Variants in ITGBL1 observed in about 807,000 individuals in gnomAD.
ITGBL1 encodes the protein integrin subunit beta like 1, also known as integrin beta-like protein 1.
Under a neutral mutation model 68.5 loss-of-function variants are expected in ITGBL1, and 51 were observed. That is an observed-to-expected ratio of 0.74 (90% CI 0.59 to 0.94). ITGBL1 has a LOEUF of 0.94. ITGBL1 is among the 40% of genes least tolerant of loss of function. ITGBL1 has a pLI of 0.00. For missense variants in ITGBL1, 649 were observed against 647.4 expected (o/e 1.00, Z -0.03); for synonymous variants, 209 against 227.3 (o/e 0.92, Z 0.72).
chr13:101,638,606 CAA>C (rs879891633), intron 7 of ITGBL1, among the ~76,000 whole-genome samples: 40 of 152,126 alleles, frequency 2.6e-4, no homozygotes, highest in Non-Finnish European at 5.0e-4. Context: ...TGGCGGGAGA[CAA>C]GAGAGAATGA....
At chr13:101,660,698 C>T (rs2033060552) in intron 7 of ITGBL1, among the ~76,000 whole-genome samples, 2 of 152,266 alleles carry the variant, frequency 1.3e-5, no homozygotes, top group Non-Finnish European at 2.9e-5. Flanking sequence ...CTTGCCCATG[C>T]CCAAAAATGT....
chr13:101,532,272 G>A (rs971746101), intron 2 of ITGBL1, among the ~76,000 whole-genome samples: 2 of 152,164 alleles, frequency 1.3e-5, no homozygotes, highest in Non-Finnish European at 2.9e-5. Context: ...AAGAAGGCAA[G>A]TTCTATCTTA....
At chr13:101,576,972 A>C (rs757168544) in intron 4 of ITGBL1, among the ~76,000 whole-genome samples, 2 of 151,806 alleles carry the variant, frequency 1.3e-5, no homozygotes, top group Admixed American at 6.6e-5. Flanking sequence ...AAAAAGAAGA[A>C]GACGGGAACA....
At position 101,521,967 on chromosome 13, in the gene ITGBL1, C is replaced by T. The variant is rs148456720; in HGVS notation, c.317-45732C>T. Among the ~76,000 whole-genome samples the T allele has an allele frequency of 4.0e-3, 603 of 151,618 alleles. 1 individual carries two copies. Among genetic ancestry groups the T allele is most frequent in the Non-Finnish European group, 7.3e-3 (496 of 67,936 alleles). ...ATCTCTCCTTGGCTAACAGACACCA[C>T]CTTCTGCTGTGACGGCAACATGGTC... On this transcript the variant is annotated intron_variant, in intron 2 of 10. Transcript: ENST00000376180.
chr13:101,673,178 T>C (rs2033418594), intron 7 of ITGBL1, among the ~76,000 whole-genome samples: 1 of 152,160 alleles, frequency 6.6e-6, no homozygotes, highest in Non-Finnish European at 1.5e-5. Flanking sequence ...CCCTCTTAAT[T>C]TTTCCTTGCT....
chr13:101,637,604 A>G (rs2032219235), intron 7 of ITGBL1, among the ~76,000 whole-genome samples: 1 of 152,126 alleles, frequency 6.6e-6, no homozygotes, highest in African/African-American at 2.4e-5. Flanking sequence ...TGGCCTCCCA[A>G]AGTGCTGGGA....
At chr13:101,607,561 C>A (rs1225768253) in intron 7 of ITGBL1, among the ~76,000 whole-genome samples, 2 of 151,778 alleles carry the variant, frequency 1.3e-5, no homozygotes, top group Admixed American at 1.3e-4. Context: ...CAGCAGGATT[C>A]ATGTACAAAT....
intron 2 of ITGBL1, among the ~76,000 whole-genome samples, chr13:101,506,730 T>C (rs2049032695): frequency 6.6e-6 from 1 of 152,248 alleles, no homozygotes; most frequent in Non-Finnish European, 1.5e-5. Context: ...TTATTTCCTG[T>C]GACTTGCATT....
At chr13:101,458,638 GTC>G (rs10585152) in intron 2 of ITGBL1, among the ~76,000 whole-genome samples, 10,772 of 152,166 alleles carry the variant, frequency 0.071, 1,103 homozygotes, top group African/African-American at 0.23. Flanking sequence ...GGATGTTCCA[GTC>G]TCTCATATAA....
intron 2 of ITGBL1, among the ~76,000 whole-genome samples, chr13:101,556,559 G>A (rs953375735): frequency 6.6e-6 from 1 of 152,138 alleles, no homozygotes; most frequent in Non-Finnish European, 1.5e-5. Flanking sequence ...TTGAACTCCA[G>A]AGGCGGAGGT....
At position 101,716,185 on chromosome 13, in the gene ITGBL1, T is replaced by G. The variant is rs1213117688; in HGVS notation, c.*531T>G. 1 of 152,256 alleles carries G rather than the reference T, an allele frequency of 6.6e-6. No individual in the cohort carries two copies. The highest frequency in any genetic ancestry group is 2.4e-5 in the African/African-American group (1 of 41,462). 9.4% of individuals were successfully genotyped at this position (152,256 alleles called of 1,614,324 possible). A position where few individuals can be genotyped will look rare whatever the true frequency, so the allele number is the denominator to read the frequency against. On this transcript the variant is annotated 3_prime_UTR_variant, in exon 11 of 11. Transcript: ENST00000376180. Reference sequence around the variant, plus strand: ...AAACATGCATATTCACATTAATTAATCGATCAGATTTTTCCAGAATTCCGT... The same window carrying G: ...AAACATGCATATTCACATTAATTAAGCGATCAGATTTTTCCAGAATTCCGT...
chr13:101,481,924 T>G (rs556400252), intron 2 of ITGBL1, among the ~76,000 whole-genome samples: 34 of 152,154 alleles, frequency 2.2e-4, no homozygotes, highest in African/African-American at 8.2e-4. Context: ...TTATCGTACC[T>G]GGGAGAGTCA....
At chr13:101,697,326 A>T (rs747552259) in intron 8 of ITGBL1, among the ~76,000 whole-genome samples, 5 of 152,124 alleles carry the variant, frequency 3.3e-5, no homozygotes, top group African/African-American at 4.8e-5. Flanking sequence ...ACTATGTTGT[A>T]TTTCTTCCTA....
chr13:101,581,598 T>A (rs2050458988), intron 5 of ITGBL1, among the ~76,000 whole-genome samples: 1 of 152,232 alleles, frequency 6.6e-6, no homozygotes, highest in African/African-American at 2.4e-5. Context: ...TCTTTCCATA[T>A]TTATGGGGCA....
In ITGBL1 at chr13:101,564,693, T is replaced by A. The variant is rs185408600; in HGVS notation, c.317-3006T>A. The stretch of plus-strand genomic sequence containing the variant: ...TATCCAGGATAAACATACATATACA[T>A]GTATGTATAAATTTTAAAACATATA... On this transcript the variant is annotated intron_variant, in intron 2 of 10. Coordinates refer to ENST00000376180, the MANE Select transcript of ITGBL1 (RefSeq NM_004791.3). Among the ~76,000 whole-genome samples the A allele has an allele frequency of 4.7e-3, 701 of 149,802 alleles. 28 individuals carry two copies. Among genetic ancestry groups the A allele is most frequent in the Admixed American group, 0.041 (607 of 14,846 alleles).
At chr13:101,606,420 G>T (rs1594925760) in intron 7 of ITGBL1, among the ~76,000 whole-genome samples, 1 of 151,500 alleles carries the variant, frequency 6.6e-6, no homozygotes, top group Non-Finnish European at 1.5e-5. Context: ...TAGGTATAAA[G>T]ACATTCGTCC....
At chr13:101,535,422 T>C (rs1594872529) in intron 2 of ITGBL1, among the ~76,000 whole-genome samples, 1 of 152,206 alleles carries the variant, frequency 6.6e-6, no homozygotes, top group Non-Finnish European at 1.5e-5. Context: ...AATATGATGT[T>C]AGCTGGCAGA....
intron 2 of ITGBL1, among the ~76,000 whole-genome samples, chr13:101,542,579 A>G (rs146574289): frequency 0.79 from 119,746 of 152,024 alleles, 47,143 homozygotes; most frequent in South Asian, 0.81. Context: ...GGTCTGTTTG[A>G]TGCAGAGCTG....
chr13:101,584,278 A>G (rs918147989), intron 6 of ITGBL1, among the ~76,000 whole-genome samples: 2 of 152,198 alleles, frequency 1.3e-5, no homozygotes, highest in Admixed American at 1.3e-4. Context: ...TAAATAAAAT[A>G]TGTAAGTCCA....
Sources: allele counts gnomAD v4.1 joint callset (sites outside exome capture counted in the v4.1 genomes callset), GRCh38; gene constraint gnomAD v4.1.1; transcripts MANE v1.5; gene names NCBI Gene and HGNC (gene_info 2026-07-23, HGNC 2026-07-21).